The following WDR86 variants were observed in gnomAD, a reference collection of about 807,000 sequenced individuals.
WDR86 encodes WD repeat domain 86.
In WDR86, 30 loss-of-function variants were observed where a neutral mutation model predicts 36.5. That is an observed-to-expected ratio of 0.82 (90% CI 0.61 to 1.11). The LOEUF (loss-of-function observed/expected upper bound fraction) is 1.11. Among genes scored for constraint, WDR86 ranks in the 50% most tolerant of loss-of-function variants. The pLI, the probability that WDR86 is intolerant of heterozygous loss-of-function variation, is 0.00. For synonymous variants in WDR86, 255 were observed against 252.9 expected (o/e 1.01, Z -0.08); for missense variants, 545 against 561.2 (o/e 0.97, Z 0.29).
chr7:151,372,993 T>C (rs1798031108), downstream of WDR86, among the ~76,000 whole-genome samples: 1 of 152,202 alleles, frequency 6.6e-6, no homozygotes, highest in South Asian at 2.1e-4. Flanking sequence ...AGCCACTCTG[T>C]TCTGCCTGCT....
At chr7:151,384,982 G>T in intron 4 of WDR86, 106 bp downstream of exon 4, 3 of 1,256,984 alleles carry the variant, frequency 2.4e-6, no homozygotes, top group South Asian at 1.5e-5. Context: ...GGACGCTGAT[G>T]ATTGGCAGCC....
Position 151,381,750 on chromosome 7 carries a change from C to A in WDR86, c.967-4G>T. On this transcript the variant is annotated splice_polypyrimidine_tract_variant and splice_region_variant and intron_variant, in intron 5 of 5. Transcript: ENST00000334493. This position sits in a 1 kb window ranked among gnomAD's most constrained non-coding sequence, Gnocchi z 4.8. ...TGTAGAGCACCTGGCCGTGCACCTGCGGGCGCAGGGGCGGGCGTCACCGGT... is the reference window on the plus strand; with the variant it reads ...TGTAGAGCACCTGGCCGTGCACCTGAGGGCGCAGGGGCGGGCGTCACCGGT... 1 of 1,512,182 alleles carries A rather than the reference C, an allele frequency of 6.6e-7. No individual in the cohort carries two copies. The highest frequency in any genetic ancestry group is 2.5e-5 in the East Asian group (1 of 40,026). The allele number at this position is 1,512,182 out of a possible 1,614,324, so 93.7% of individuals were successfully genotyped here.
intron 3 of WDR86, among the ~76,000 whole-genome samples, chr7:151,393,207 T>C (rs1309466142): frequency 6.6e-6 from 1 of 152,190 alleles, no homozygotes; most frequent in Non-Finnish European, 1.5e-5. Context: ...ACACGTGTGT[T>C]CACACGTGTG....
At chr7:151,373,452 C>T (rs916202047), downstream of WDR86, among the ~76,000 whole-genome samples, 1 of 152,142 alleles carries the variant, frequency 6.6e-6, no homozygotes, top group Non-Finnish European at 1.5e-5. Flanking sequence ...AGCCGTCCTG[C>T]GCTCCTGCAG....
In WDR86 at chr7:151,381,678, G is replaced by A; in HGVS notation, c.1035C>T (p.Leu345=). The change falls in exon 6 of 6, where the codon CTC becomes CTT. Residue 345 remains leucine (L), a synonymous_variant. Coordinates refer to ENST00000334493, the MANE Select transcript of WDR86 (RefSeq NM_198285.3). This position sits in a 1 kb window ranked among gnomAD's most constrained non-coding sequence, Gnocchi z 4.8. ...GCGGAGGGGGCCGCGGGGCACCTCG[G>A]AGCCCGCGCACGTCCCAGAGGCGCA... ...GALRLWDVRG[L]RGAPRPPPPM... The A allele has an allele frequency of 7.0e-7, 1 of 1,428,450 alleles. No homozygotes were observed. The highest frequency in any genetic ancestry group is 9.1e-7 in the Non-Finnish European group (1 of 1,101,098). 88.5% of individuals were successfully genotyped at this position (1,428,450 alleles called of 1,614,324 possible).
chr7:151,389,819 C>T (rs994030626), intron 3 of WDR86, among the ~76,000 whole-genome samples: 4 of 152,294 alleles, frequency 2.6e-5, no homozygotes, highest in South Asian at 2.1e-4. Flanking sequence ...TCAGTGACCC[C>T]GACTGCATGC....
At chr7:151,368,999 G>A in the WDR86 span, 1 of 1,188,746 alleles carries the variant, frequency 8.4e-7, no homozygotes, top group African/African-American at 1.6e-5. Flanking sequence ...TGGGAAGGAA[G>A]GAGAAACTTG....
rs555478075 is a variant in WDR86 at position 151,381,372 on chromosome 7, G to A, written c.*210C>T. The A allele has an allele frequency of 6.9e-7, 1 of 1,440,812 alleles. No individual in the cohort carries two copies. Among genetic ancestry groups the A allele is most frequent in the Non-Finnish European group, 9.0e-7 (1 of 1,107,452 alleles). 89.3% of individuals were successfully genotyped at this position (1,440,812 alleles called of 1,614,324 possible). ...ACAGGAGCCACCCTAAAAGGGAAAA[G>A]GGGGCGGTCCCCAGGGCGAGCACTC... is the stretch of plus-strand genomic sequence containing the variant. On this transcript the variant is annotated 3_prime_UTR_variant, in exon 6 of 6. Coordinates refer to ENST00000334493, the MANE Select transcript of WDR86 (RefSeq NM_198285.3). This position sits in a 1 kb window ranked among gnomAD's most constrained non-coding sequence, Gnocchi z 4.8.
Position 151,401,843 on chromosome 7 carries a change from T to G in WDR86, c.164-1602A>C, listed in dbSNP as rs1210929625. Among the ~76,000 whole-genome samples, 1 of 147,722 alleles carries G rather than the reference T, an allele frequency of 6.8e-6. No homozygotes were observed. The highest frequency in any genetic ancestry group is 2.5e-5 in the African/African-American group (1 of 39,746). On this transcript the variant is annotated intron_variant, in intron 1 of 5. Transcript: ENST00000334493. This position sits in a 1 kb window ranked among gnomAD's most constrained non-coding sequence, Gnocchi z 4.3. ...GGCGGGTGGATCACAAGGTCAGGAGTTCAAGATCAGCCTGGCTAAGATGGT... is the reference window on the plus strand; with the variant it reads ...GGCGGGTGGATCACAAGGTCAGGAGGTCAAGATCAGCCTGGCTAAGATGGT...
chr7:151,385,439 G>A (rs1798904371), intron 3 of WDR86, among the ~76,000 whole-genome samples: 1 of 152,194 alleles, frequency 6.6e-6, no homozygotes, highest in Non-Finnish European at 1.5e-5. Flanking sequence ...TGCTCCAACA[G>A]GGCTGGCCGC....
chr7:151,388,468 C>A lies in WDR86; in HGVS notation c.727-3245G>T, dbSNP rs1378632058. Among the ~76,000 whole-genome samples the A allele has an allele frequency of 6.6e-6, 1 of 152,054 alleles. No individual in the cohort carries two copies. The highest frequency in any genetic ancestry group is 2.4e-5 in the African/African-American group (1 of 41,314). The stretch of plus-strand genomic sequence containing the variant: ...GGGCTGCCCTGCAGCGCAGGGCCAC[C>A]ACAGACAGGGTGCCCCCTGGCTTTT... On this transcript the variant is annotated intron_variant, in intron 3 of 5. Transcript: ENST00000334493. This position sits in a 1 kb window ranked among gnomAD's most constrained non-coding sequence, Gnocchi z 4.2.
Position 151,401,387 on chromosome 7 carries a change from G to C in WDR86, c.164-1146C>G, listed in dbSNP as rs1800280931. On this transcript the variant is annotated intron_variant, in intron 1 of 5. Coordinates refer to ENST00000334493, the MANE Select transcript of WDR86 (RefSeq NM_198285.3). This position sits in a 1 kb window ranked among gnomAD's most constrained non-coding sequence, Gnocchi z 4.3. ...GCACCCTAAACCCTCTGTTTCCTCA[G>C]CTTCCACTCTTGCCTTCCTCCCTCC... Among the ~76,000 whole-genome samples the C allele has an allele frequency of 2.0e-5, 3 of 152,276 alleles. No individual in the cohort carries two copies. The South Asian group carries it at 6.2e-4, about 32-fold the overall frequency.
chr7:151,384,623 C>G (rs747713236), intron 4 of WDR86, among the ~76,000 whole-genome samples: 3 of 152,202 alleles, frequency 2.0e-5, no homozygotes, highest in African/African-American at 7.2e-5. Flanking sequence ...CCATTCCAGC[C>G]GAGACCACCA....
Position 151,400,091 on chromosome 7 carries a change from C to A in WDR86, c.305+9G>T, listed in dbSNP as rs890129035. ...GTGAGACTCAGCCCAAGCCCCCAGCCAGGCTGACCTGTTCACGATGGACGT... is the reference window on the plus strand; with the variant it reads ...GTGAGACTCAGCCCAAGCCCCCAGCAAGGCTGACCTGTTCACGATGGACGT... On this transcript the variant is annotated intron_variant, in intron 2 of 5. Coordinates refer to ENST00000334493, the MANE Select transcript of WDR86 (RefSeq NM_198285.3). 11 of 1,556,170 alleles carry A rather than the reference C, an allele frequency of 7.1e-6. No individual in the cohort carries two copies. The Admixed American group carries it at 1.7e-4, about 23-fold the overall frequency.
chr7:151,382,140 CG>C lies in WDR86; in HGVS notation c.863-160del, dbSNP rs540620574. On this transcript the variant is annotated intron_variant, in intron 4 of 5. Transcript: ENST00000334493. ...AGTGGACAGTGCCCCTCCAGAGAAA[CG>C]GGTCCCCACGGTTATTCTGCTCCAC... 4.9e-3 allele frequency among the ~76,000 whole-genome samples: 753 copies of C among 152,226 alleles called. 11 individuals are homozygous for C. Among genetic ancestry groups the C allele is most frequent in the African/African-American group, 0.017 (714 of 41,550 alleles).
At chr7:151,385,004 AG>A in intron 4 of WDR86, 83 bp downstream of exon 4, 5 of 1,426,416 alleles carry the variant, frequency 3.5e-6, no homozygotes, top group Non-Finnish European at 4.7e-6. Context: ...AGGCTCAATG[AG>A]GGAAAATCCC....
downstream of WDR86, among the ~76,000 whole-genome samples, chr7:151,371,045 G>A (rs1797934346): frequency 6.6e-6 from 1 of 152,146 alleles, no homozygotes; most frequent in South Asian, 2.1e-4. Context: ...TTAAAGTATA[G>A]TGGAGTCATA....
At chr7:151,397,329 A>C (rs1267247197) in intron 2 of WDR86, among the ~76,000 whole-genome samples, 2 of 152,242 alleles carry the variant, frequency 1.3e-5, no homozygotes, top group Non-Finnish European at 2.9e-5. Flanking sequence ...TCCCGCAAGC[A>C]GCTCAACGAC....
chr7:151,395,675 C>T (rs532140168), intron 3 of WDR86, 101 bp downstream of exon 3: 1 of 1,384,988 alleles, frequency 7.2e-7, no homozygotes, highest in African/African-American at 1.4e-5. Context: ...ATCTGCAGCG[C>T]TTTGTTATGC....
Sources: gnomAD v4.1 joint callset for allele counts (sites outside exome capture counted in the v4.1 genomes callset) on GRCh38, gnomAD v4.1.1 for gene constraint, Gnocchi (gnomAD v3.1) non-coding constraint, MANE v1.5 for transcripts, NCBI Gene and HGNC (gene_info 2026-07-23, HGNC 2026-07-21) for gene names.